CHRM2: variants seen among roughly 807,000 people sequenced by gnomAD.
The protein encoded by CHRM2 is cholinergic receptor muscarinic 2, also known as muscarinic acetylcholine receptor M2.
A neutral mutation model predicts 25.0 loss-of-function variants in CHRM2; 8 were observed. That is an observed-to-expected ratio of 0.32 (90% CI 0.19 to 0.58). The LOEUF (loss-of-function observed/expected upper bound fraction) is 0.58, where lower values mean the gene tolerates loss of function less well. Ranked by LOEUF, CHRM2 falls within the 20% of genes least tolerant of loss-of-function variation. The pLI is 0.88. For missense variants in CHRM2, 440 were observed against 567.1 expected (o/e 0.78, Z 2.28); for synonymous variants, 202 against 205.7 (o/e 0.98, Z 0.15).
chr7:136,872,557 C>T (rs1795883351), intron 2 of CHRM2, among the ~76,000 whole-genome samples: 1 of 152,132 alleles, frequency 6.6e-6, no homozygotes, highest in Admixed American at 6.5e-5. Context: ...ATTCCAATTC[C>T]AGAGCAGCCA....
rs535440362 is a variant in CHRM2, at chr7:136,911,120, T to TC, written c.-125+41702_-125+41703insC. On this transcript the variant is annotated intron_variant, in intron 2 of 3. Coordinates refer to ENST00000680005, the MANE Select transcript of CHRM2 (RefSeq NM_001006630.2). ...TAAGTTATTCATTTAGTGAGTAATTTTTTTTATTCAGCAAACTAAGAGTTG... is the reference window on the plus strand; with the variant it reads ...TAAGTTATTCATTTAGTGAGTAATTTCTTTTTATTCAGCAAACTAAGAGTTG... Among the ~76,000 whole-genome samples the TC allele has an allele frequency of 1.3e-3, 203 of 152,070 alleles. 1 individual carries two copies. Among genetic ancestry groups the TC allele is most frequent in the African/African-American group, 4.6e-3 (193 of 41,538 alleles).
intron 2 of CHRM2, among the ~76,000 whole-genome samples, chr7:136,884,645 G>T (rs2130525043): frequency 6.6e-6 from 1 of 152,274 alleles, no homozygotes. Flanking sequence ...TGTGCTCCCA[G>T]ACCACTGTCA....
chr7:137,016,581 C>T lies in CHRM2; in HGVS notation c.*315C>T, dbSNP rs1168288198. On this transcript the variant is annotated 3_prime_UTR_variant, in exon 4 of 4. Coordinates refer to ENST00000680005, the MANE Select transcript of CHRM2 (RefSeq NM_001006630.2). ...TCTGATTCTACAATTTTATCAGTCTCTGCACAAGAGGAATAACCTTGTTCC... is the reference window on the plus strand; with the variant it reads ...TCTGATTCTACAATTTTATCAGTCTTTGCACAAGAGGAATAACCTTGTTCC... 1 of 347,178 alleles carries T rather than the reference C, an allele frequency of 2.9e-6. No individual in the cohort carries two copies. The highest frequency in any genetic ancestry group is 4.3e-5 in the Admixed American group (1 of 23,296). 21.5% of individuals were successfully genotyped at this position (347,178 alleles called of 1,614,324 possible).
chr7:136,881,064 T>C (rs1243355951), intron 2 of CHRM2, among the ~76,000 whole-genome samples: 1 of 150,304 alleles, frequency 6.7e-6, no homozygotes, highest in African/African-American at 2.5e-5. Flanking sequence ...TAGATGCCAC[T>C]GTATGCATGT....
rs1563132576 is a variant in CHRM2, at chr7:137,018,953, A to G, written c.*2687A>G. On this transcript the variant is annotated 3_prime_UTR_variant, in exon 4 of 4. Transcript: ENST00000680005. ...CCCCTCTCCCCGAAAGGGGACACTT[A>G]GCAATGTGTAAAGACATTTTTGGTT... 1 of 151,932 alleles carries G rather than the reference A, an allele frequency of 6.6e-6. No individual in the cohort carries two copies. Among genetic ancestry groups the G allele is most frequent in the Non-Finnish European group, 1.5e-5 (1 of 67,920 alleles). The allele number at this position is 151,932 out of a possible 1,614,324, so 9.4% of individuals were successfully genotyped here.
intron 2 of CHRM2, among the ~76,000 whole-genome samples, chr7:136,901,540 T>C (rs941057657): frequency 6.6e-6 from 1 of 151,982 alleles, no homozygotes; most frequent in African/African-American, 2.4e-5. Flanking sequence ...CACCCGATCT[T>C]GTAGTGCAGT....
intron 3 of CHRM2, among the ~76,000 whole-genome samples, chr7:137,004,248 T>C (rs1804266514): frequency 6.6e-6 from 1 of 152,264 alleles, no homozygotes; most frequent in South Asian, 2.1e-4. Context: ...AGCTACTTTT[T>C]GTCAGATGAC....
At chr7:136,991,401 A>T (rs1173008839) in intron 2 of CHRM2, among the ~76,000 whole-genome samples, 1 of 152,130 alleles carries the variant, frequency 6.6e-6, no homozygotes, top group Non-Finnish European at 1.5e-5. Flanking sequence ...TCTTTGCTCC[A>T]TTGTATTGCC....
At chr7:136,899,675 T>C (rs1220470166) in intron 2 of CHRM2, 1 of 152,072 alleles carries the variant, frequency 6.6e-6, no homozygotes, top group Non-Finnish European at 1.5e-5. Context: ...GTAGCAGAAA[T>C]ATACAGAGAA....
chr7:136,901,246 C>T (rs543919900), intron 2 of CHRM2, among the ~76,000 whole-genome samples: 12 of 152,000 alleles, frequency 7.9e-5, no homozygotes, highest in Admixed American at 2.6e-4. Flanking sequence ...TGTGGACTTG[C>T]GGTTTTTGGT....
intron 2 of CHRM2, among the ~76,000 whole-genome samples, chr7:136,912,645 T>C (rs1797903709): frequency 6.6e-6 from 1 of 151,910 alleles, no homozygotes; most frequent in African/African-American, 2.4e-5. Flanking sequence ...CTCTTGATAT[T>C]GCTTCTTAGG....
intron 2 of CHRM2, among the ~76,000 whole-genome samples, chr7:136,896,416 G>A (rs767484122): frequency 2.0e-5 from 3 of 152,114 alleles, no homozygotes; most frequent in Non-Finnish European, 2.9e-5. Context: ...TATCTGGGGC[G>A]ACATTGTTTT....
At chr7:136,897,778 CT>C (rs1796984960) in intron 2 of CHRM2, among the ~76,000 whole-genome samples, 1 of 151,430 alleles carries the variant, frequency 6.6e-6, no homozygotes, top group Non-Finnish European at 1.5e-5. Flanking sequence ...TTCATTTTCG[CT>C]TTTGTGTAAG....
chr7:136,897,697 GA>G (rs35775059), intron 2 of CHRM2, among the ~76,000 whole-genome samples: 13 of 148,068 alleles, frequency 8.8e-5, no homozygotes, highest in South Asian at 2.1e-4. Flanking sequence ...ACAGTCATGG[GA>G]AAAAAAAAAG....
At chr7:136,874,201 C>T (rs747027006) in intron 2 of CHRM2, among the ~76,000 whole-genome samples, 2 of 152,090 alleles carry the variant, frequency 1.3e-5, no homozygotes, top group African/African-American at 4.8e-5. Context: ...ATTTCAATGG[C>T]CCCATTTACT....
chr7:136,934,222 C>A (rs1173748353), intron 2 of CHRM2, among the ~76,000 whole-genome samples: 1 of 152,050 alleles, frequency 6.6e-6, no homozygotes, highest in Non-Finnish European at 1.5e-5. Context: ...TTCTAGTCAC[C>A]AAAGCTTAAA....
At chr7:136,976,542 A>T (rs1802116045) in intron 2 of CHRM2, among the ~76,000 whole-genome samples, 1 of 152,156 alleles carries the variant, frequency 6.6e-6, no homozygotes, top group Admixed American at 6.6e-5. Context: ...ATGAAAGAGC[A>T]GGCTTCTGAA....
intron 2 of CHRM2, among the ~76,000 whole-genome samples, chr7:136,904,892 G>T (rs561121502): frequency 6.6e-6 from 1 of 152,024 alleles, no homozygotes; most frequent in African/African-American, 2.4e-5. Context: ...CACACATGTT[G>T]TGAGAGGGAC....
chr7:136,994,200 A>C (rs1584893269), intron 3 of CHRM2, among the ~76,000 whole-genome samples: 2 of 152,324 alleles, frequency 1.3e-5, no homozygotes, highest in East Asian at 3.9e-4. Flanking sequence ...TTTAAAGCAA[A>C]AATAAATCTG....
Sources: allele counts gnomAD v4.1 joint callset (sites outside exome capture counted in the v4.1 genomes callset), GRCh38; gene constraint gnomAD v4.1.1; transcripts MANE v1.5; gene names NCBI Gene and HGNC (gene_info 2026-07-23, HGNC 2026-07-21).